Variants in CACYBP observed in about 807,000 individuals in gnomAD.
The protein encoded by CACYBP is calcyclin binding protein.
Under a neutral mutation model 29.6 loss-of-function variants are expected in CACYBP, and 11 were observed. That is an observed-to-expected ratio of 0.37 (90% confidence interval 0.23 to 0.61). CACYBP has a LOEUF of 0.61. Ranked by LOEUF, CACYBP falls within the 20% of genes least tolerant of loss-of-function variation. The probability of loss-of-function intolerance (pLI) is 0.65; values close to 1 mark genes in which losing one functional copy is unlikely to be tolerated. For synonymous variants in CACYBP, 73 were observed against 88.3 expected (o/e 0.83, Z 0.97); for missense variants, 163 against 260.7 (o/e 0.63, Z 2.58).
chr1:175,009,590 T>C (rs113371574), intron 5 of CACYBP, among the ~76,000 whole-genome samples: 19 of 137,564 alleles, frequency 1.4e-4, no homozygotes, highest in African/African-American at 5.0e-4. Flanking sequence ...GAGGTTGCAG[T>C]GAACCGAGAT....
chr1:175,009,511 T>A (rs1430478797), intron 5 of CACYBP, among the ~76,000 whole-genome samples: 2 of 151,920 alleles, frequency 1.3e-5, no homozygotes, highest in African/African-American at 4.8e-5. Flanking sequence ...CCGGGCATGG[T>A]GGCATGTGCC....
intron 1 of CACYBP, among the ~76,000 whole-genome samples, chr1:175,003,516 G>C (rs559443370): frequency 7.2e-5 from 11 of 152,314 alleles, no homozygotes; most frequent in African/African-American, 2.2e-4. Flanking sequence ...TAAAAGAAAA[G>C]AATTAGTTCT....
chr1:175,005,521 A>C (rs1255030572), intron 2 of CACYBP, among the ~76,000 whole-genome samples: 1 of 124,022 alleles, frequency 8.1e-6, no homozygotes, highest in African/African-American at 6.4e-5. Context: ...AGAATTAGAG[A>C]GATTTGAGTG....
In CACYBP at chr1:175,011,822, G is replaced by C. The variant is rs1672764852; in HGVS notation, c.*1743G>C. On this transcript the variant is annotated 3_prime_UTR_variant, in exon 6 of 6. Coordinates refer to ENST00000367679, the MANE Select transcript of CACYBP (RefSeq NM_014412.3). The stretch of plus-strand genomic sequence containing the variant: ...TAAACTTTGGTTAACAAGAATATTT[G>C]GGCAGGTGCAGTGGCTCACACCTGT... The C allele has an allele frequency of 1.3e-5, 2 of 152,214 alleles. No homozygotes were observed. The highest frequency in any genetic ancestry group is 6.6e-5 in the Admixed American group (1 of 15,266). The allele number at this position is 152,214 out of a possible 1,614,324, so 9.4% of individuals were successfully genotyped here. A position where few individuals can be genotyped will look rare whatever the true frequency, so the allele number is the denominator to read the frequency against.
chr1:175,007,276 G>T lies in CACYBP; in HGVS notation c.432+79G>T, dbSNP rs1443378489. 4.7e-6 allele frequency: 4 copies of T among 845,180 alleles called. No individual in the cohort carries two copies. The African/African-American group carries it at 6.8e-5, about 14-fold the overall frequency. The allele number at this position is 845,180 out of a possible 1,614,324, so 52.4% of individuals were successfully genotyped here. Reference sequence around the variant, plus strand: ...GGCTGATTTAGAACTGAGATGAACTGGAATGAATTTGTCCTCTGTAACAGG... The same window carrying T: ...GGCTGATTTAGAACTGAGATGAACTTGAATGAATTTGTCCTCTGTAACAGG... On this transcript the variant is annotated intron_variant, in intron 4 of 5. Transcript: ENST00000367679.
rs535491219 is a variant in CACYBP, at chr1:175,008,506, A to G, written c.433-103A>G. 6.4e-5 allele frequency: 43 copies of G among 675,818 alleles called. No homozygotes were observed. In the Middle Eastern group the frequency reaches 1.7e-3, roughly 26 times the overall value. The allele number at this position is 675,818 out of a possible 1,614,324, so 41.9% of individuals were successfully genotyped here. On this transcript the variant is annotated intron_variant, in intron 4 of 5. Transcript: ENST00000367679. The stretch of plus-strand genomic sequence containing the variant: ...TTACTGGCACCCAAAATAAGTCTAT[A>G]CATACTAGGGACTTGATCAATTGAA...
rs1192246537 is a variant in CACYBP, at chr1:175,000,036, T to C, written c.-145T>C. The C allele has an allele frequency of 8.3e-7, 1 of 1,200,464 alleles. No homozygotes were observed. Among genetic ancestry groups the C allele is most frequent in the African/African-American group, 1.6e-5 (1 of 63,758 alleles). 74.4% of individuals were successfully genotyped at this position (1,200,464 alleles called of 1,614,324 possible). On this transcript the variant is annotated 5_prime_UTR_variant, in exon 1 of 6. Transcript: ENST00000367679. ...CGCGTGCGGGAGGCGGGCCGCGATC[T>C]TGCGCAGGGTCGGTGTGGGCGCAGG...
chr1:175,000,594 T>G, intron 1 of CACYBP: 1 of 1,103,538 alleles, frequency 9.1e-7, no homozygotes, highest in Non-Finnish European at 1.1e-6. Context: ...AGAGGGCGGT[T>G]GGAAGGTGAG....
intron 5 of CACYBP, 84 bp downstream of exon 5, chr1:175,008,790 G>A: frequency 1.3e-6 from 1 of 745,614 alleles, no homozygotes; most frequent in Non-Finnish European, 2.4e-6. Context: ...TATGGATAAT[G>A]TATTTCTGCT....
chr1:175,005,232 A>G lies in CACYBP; in HGVS notation c.235+399A>G, dbSNP rs544625882. Among the ~76,000 whole-genome samples the G allele has an allele frequency of 7.1e-4, 108 of 152,314 alleles. 1 individual carries two copies. The highest frequency in any genetic ancestry group is 2.5e-3 in the African/African-American group (105 of 41,578). On this transcript the variant is annotated intron_variant, in intron 2 of 5. Coordinates refer to ENST00000367679, the MANE Select transcript of CACYBP (RefSeq NM_014412.3). ...TTTTGAGCACCTAATGTGTATCACTATTGTGCTTTGACTTACGGATACACA... is the reference window on the plus strand; with the variant it reads ...TTTTGAGCACCTAATGTGTATCACTGTTGTGCTTTGACTTACGGATACACA...
rs891052149 is a variant in CACYBP at position 175,010,151 on chromosome 1, G to A, written c.*72G>A. The A allele has an allele frequency of 8.6e-6, 11 of 1,273,850 alleles. No homozygotes were observed. The highest frequency in any genetic ancestry group is 6.0e-5 in the African/African-American group (4 of 66,748). The allele number at this position is 1,273,850 out of a possible 1,614,324, so 78.9% of individuals were successfully genotyped here. A position where few individuals can be genotyped will look rare whatever the true frequency, so the allele number is the denominator to read the frequency against. ...ATGTTTCCAGTAAGGGAATATTGGT[G>A]AGCTGCATATATAAATTTGACAGAT... On this transcript the variant is annotated 3_prime_UTR_variant, in exon 6 of 6. Coordinates refer to ENST00000367679, the MANE Select transcript of CACYBP (RefSeq NM_014412.3).
chr1:175,008,194 C>A (rs1178726497), intron 4 of CACYBP, among the ~76,000 whole-genome samples: 1 of 152,062 alleles, frequency 6.6e-6, no homozygotes. Flanking sequence ...ATATTACTGT[C>A]TTTTTCAGTC....
At chr1:175,004,131 T>G (rs957100984) in intron 1 of CACYBP, among the ~76,000 whole-genome samples, 1 of 152,164 alleles carries the variant, frequency 6.6e-6, no homozygotes, top group African/African-American at 2.4e-5. Context: ...GACCAATCAG[T>G]GACAGAAAGT....
intron 1 of CACYBP, among the ~76,000 whole-genome samples, chr1:175,002,563 A>G (rs1280032921): frequency 2.6e-5 from 4 of 152,256 alleles, no homozygotes; most frequent in African/African-American, 7.2e-5. Context: ...AAATTTTTAT[A>G]TACGTAAAAC....
chr1:175,007,870 C>T (rs1175806676), intron 4 of CACYBP, among the ~76,000 whole-genome samples: 1 of 152,126 alleles, frequency 6.6e-6, no homozygotes, highest in Non-Finnish European at 1.5e-5. Context: ...ATCAGATAGT[C>T]CCTGTTTTCT....
At chr1:175,005,506 CAG>C (rs74406083) in intron 2 of CACYBP, among the ~76,000 whole-genome samples, 30,792 of 145,466 alleles carry the variant, frequency 0.21, 3,335 homozygotes, top group Admixed American at 0.25. Context: ...AGGTGAGGAA[CAG>C]GGAGAATTAG....
intron 5 of CACYBP, among the ~76,000 whole-genome samples, chr1:175,009,455 G>C (rs1672693329): frequency 6.6e-6 from 1 of 152,062 alleles, no homozygotes; most frequent in South Asian, 2.1e-4. Flanking sequence ...AGACCAGCCT[G>C]GCCAACATGG....
At position 175,011,780 on chromosome 1, in the gene CACYBP, G is replaced by C. The variant is rs1389142889; in HGVS notation, c.*1701G>C. The C allele has an allele frequency of 6.6e-6, 1 of 152,192 alleles. No individual in the cohort carries two copies. The highest frequency in any genetic ancestry group is 1.9e-4 in the East Asian group (1 of 5,200). The allele number at this position is 152,192 out of a possible 1,614,324, so 9.4% of individuals were successfully genotyped here. A position where few individuals can be genotyped will look rare whatever the true frequency, so the allele number is the denominator to read the frequency against. On this transcript the variant is annotated 3_prime_UTR_variant, in exon 6 of 6. Coordinates refer to ENST00000367679, the MANE Select transcript of CACYBP (RefSeq NM_014412.3). ...TGGAGAAATAAGGACACATATATGG[G>C]AATGGAATGCAAAAGTTAAACTTTG...
chr1:175,006,023 TAGTC>T (rs1359853028), intron 2 of CACYBP, among the ~76,000 whole-genome samples: 33 of 152,294 alleles, frequency 2.2e-4, no homozygotes, highest in African/African-American at 6.3e-4. Flanking sequence ...AAGTGAGCAA[TAGTC>T]AGGGATATGT....
Sources: gnomAD v4.1 joint callset for allele counts (sites outside exome capture counted in the v4.1 genomes callset) on GRCh38, gnomAD v4.1.1 for gene constraint, MANE v1.5 for transcripts, NCBI Gene and HGNC (gene_info 2026-07-23, HGNC 2026-07-21) for gene names.